Variants in PARD3B observed in about 807,000 individuals in gnomAD.
PARD3B encodes the protein par-3 family cell polarity regulator beta, also known as partitioning defective 3 homolog B.
In PARD3B, 103 loss-of-function variants were observed where a neutral mutation model predicts 130.2. That is an observed-to-expected ratio of 0.79 (90% CI 0.67 to 0.93). The LOEUF is 0.93. Ranked by LOEUF, PARD3B falls within the 40% of genes least tolerant of loss-of-function variation. The pLI is 0.00. For synonymous variants in PARD3B, 583 were observed against 553.2 expected, an observed-to-expected ratio of 1.05 and a Z score of -0.76; for missense variants, 1,609 against 1,499.2, an observed-to-expected ratio of 1.07 and a Z score of -1.21.
chr2:204,702,401 C>T (rs2125279062), intron 2 of PARD3B, among the ~76,000 whole-genome samples: 1 of 152,252 alleles, frequency 6.6e-6, no homozygotes, highest in Admixed American at 6.5e-5. Context: ...GCCTCACCAG[C>T]ATCTGTTGCT....
At chr2:205,277,211 G>A (rs921502998) in intron 16 of PARD3B, among the ~76,000 whole-genome samples, 5 of 152,204 alleles carry the variant, frequency 3.3e-5, no homozygotes, top group African/African-American at 1.2e-4. Flanking sequence ...GCTTAGCAAG[G>A]AAGACAGGTA....
At position 205,461,946 on chromosome 2, in the gene PARD3B, A is replaced by G. The variant is rs2048467544; in HGVS notation, c.3044+21274A>G. Among the ~76,000 whole-genome samples, 1 of 152,232 alleles carries G rather than the reference A, an allele frequency of 6.6e-6. No homozygotes were observed. Among genetic ancestry groups the G allele is most frequent in the African/African-American group, 2.4e-5 (1 of 41,466 alleles). ...AGGAAGAAATACTAAAATCAAAAGTAGACTTTATGAGTAAGTGTGACAATG... is the reference window on the plus strand; with the variant it reads ...AGGAAGAAATACTAAAATCAAAAGTGGACTTTATGAGTAAGTGTGACAATG... On this transcript the variant is annotated intron_variant, in intron 20 of 22. Coordinates refer to ENST00000406610, the MANE Select transcript of PARD3B (RefSeq NM_001302769.2). This position sits in a 1 kb window ranked among gnomAD's most constrained non-coding sequence, Gnocchi z 4.3.
At chr2:204,565,486 T>C (rs759521439) in intron 1 of PARD3B, among the ~76,000 whole-genome samples, 1 of 152,248 alleles carries the variant, frequency 6.6e-6, no homozygotes. Flanking sequence ...CACTGAGTTG[T>C]ATCAGTTTTC....
At chr2:205,391,570 A>T (rs566059831) in intron 18 of PARD3B, among the ~76,000 whole-genome samples, 90 of 152,352 alleles carry the variant, frequency 5.9e-4, no homozygotes, top group African/African-American at 2.1e-3. Context: ...TGTCCCAGAA[A>T]TCGTAAGCAT....
At chr2:205,390,681 G>A (rs1271749324) in intron 18 of PARD3B, among the ~76,000 whole-genome samples, 6 of 151,950 alleles carry the variant, frequency 3.9e-5, no homozygotes, top group Admixed American at 6.6e-5. Context: ...TGGAACAGTA[G>A]GATTCAGGAT....
At chr2:204,860,393 G>A (rs1425513960) in intron 2 of PARD3B, among the ~76,000 whole-genome samples, 1 of 152,208 alleles carries the variant, frequency 6.6e-6, no homozygotes, top group African/African-American at 2.4e-5. Context: ...CATTCAGGCA[G>A]CGTGGCCTGG....
chr2:205,548,884 G>A (rs1348737725), intron 21 of PARD3B, among the ~76,000 whole-genome samples: 2 of 152,032 alleles, frequency 1.3e-5, no homozygotes, highest in Non-Finnish European at 2.9e-5. Flanking sequence ...TGATAATGAA[G>A]TATCCAAAAT....
intron 2 of PARD3B, among the ~76,000 whole-genome samples, chr2:204,852,174 T>G (rs10203651): frequency 0.19 from 24,549 of 127,670 alleles, 4,699 homozygotes; most frequent in African/African-American, 0.57. Context: ...GCCACAAGTT[T>G]TTTTTTTTTT....
At chr2:205,373,343 A>G (rs911884552) in intron 18 of PARD3B, among the ~76,000 whole-genome samples, 1 of 152,242 alleles carries the variant, frequency 6.6e-6, no homozygotes, top group Admixed American at 6.5e-5. Flanking sequence ...ACTGAGTAAC[A>G]GAAGGATGCC....
intron 2 of PARD3B, among the ~76,000 whole-genome samples, chr2:204,835,164 C>T (rs778842485): frequency 5.3e-5 from 8 of 152,176 alleles, no homozygotes; most frequent in Admixed American, 1.3e-4. Context: ...CTAAGTAATG[C>T]GCTTAATGCA....
At chr2:204,659,300 CT>C (rs2035727814) in intron 1 of PARD3B, among the ~76,000 whole-genome samples, 1 of 152,114 alleles carries the variant, frequency 6.6e-6, no homozygotes, top group Non-Finnish European at 1.5e-5. Flanking sequence ...GAAGTAATTT[CT>C]TTCTGTATTC....
At chr2:204,613,564 G>A (rs1253305200) in intron 1 of PARD3B, among the ~76,000 whole-genome samples, 1 of 151,756 alleles carries the variant, frequency 6.6e-6, no homozygotes, top group Admixed American at 6.6e-5. Context: ...GGACCTTCTG[G>A]AGCACTCTTC....
intron 6 of PARD3B, among the ~76,000 whole-genome samples, chr2:205,118,158 C>A (rs55917475): frequency 5.3e-5 from 8 of 152,140 alleles, no homozygotes; most frequent in African/African-American, 1.4e-4. Context: ...TAGATGCCCC[C>A]CTCCAGGTCC....
chr2:204,662,483 A>C (rs972372274), intron 1 of PARD3B, among the ~76,000 whole-genome samples: 3 of 152,222 alleles, frequency 2.0e-5, no homozygotes, highest in African/African-American at 7.2e-5. Flanking sequence ...CAAATAAAAA[A>C]ATGGTGTTCC....
At chr2:205,188,503 C>T (rs552462552) in intron 14 of PARD3B, among the ~76,000 whole-genome samples, 31 of 152,182 alleles carry the variant, frequency 2.0e-4, no homozygotes, top group African/African-American at 6.3e-4. Flanking sequence ...GAGGCTGCTC[C>T]GACTTGGGAC....
chr2:205,531,564 A>AAAAT lies in PARD3B; in HGVS notation c.3181-21757_3181-21754dup, dbSNP rs540634898. On this transcript the variant is annotated intron_variant, in intron 21 of 22. Transcript: ENST00000406610. ...GAGGGATGGCATTACTGCTGAGAGA[A>AAAAT]AAATAAGTACTAAGCTAATCAGCCT... Among the ~76,000 whole-genome samples the AAAAT allele has an allele frequency of 2.5e-4, 38 of 152,336 alleles. No homozygotes were observed. In the South Asian group the frequency reaches 7.9e-3, roughly 32 times the overall value.
Position 205,366,588 on chromosome 2 carries a change from G to A in PARD3B, c.2631-34425G>A, listed in dbSNP as rs539246122. Among the ~76,000 whole-genome samples the A allele has an allele frequency of 3.9e-5, 6 of 152,200 alleles. No individual in the cohort carries two copies. In the South Asian group the frequency reaches 1.2e-3, roughly 32 times the overall value. ...AGAACACAGCTCTCTTAACTTGCAG[G>A]GTATTGCTTTATCTTATCATGCTAC... On this transcript the variant is annotated intron_variant, in intron 18 of 22. Transcript: ENST00000406610. This position sits in a 1 kb window ranked among gnomAD's most constrained non-coding sequence, Gnocchi z 5.0.
At position 204,887,592 on chromosome 2, in the gene PARD3B, G is replaced by A. The variant is rs573291185; in HGVS notation, c.223-77560G>A. ...TGGCAAACTAACCTATAAATTAAAA[G>A]AAGCCCAAACTGCTGTAGATGAGGA... On this transcript the variant is annotated intron_variant, in intron 2 of 22. Transcript: ENST00000406610. This position sits in a 1 kb window ranked among gnomAD's most constrained non-coding sequence, Gnocchi z 4.2. 6.6e-6 allele frequency among the ~76,000 whole-genome samples: 1 copy of A among 152,224 alleles called. No individual in the cohort carries two copies. The highest frequency in any genetic ancestry group is 2.1e-4 in the South Asian group (1 of 4,822).
chr2:205,085,060 C>T (rs773539064), intron 4 of PARD3B, among the ~76,000 whole-genome samples: 5 of 151,970 alleles, frequency 3.3e-5, no homozygotes, highest in Non-Finnish European at 5.9e-5. Flanking sequence ...TCAAAGTCTC[C>T]ATTATGATGC....
Sources: allele counts gnomAD v4.1 joint callset (sites outside exome capture counted in the v4.1 genomes callset), GRCh38; gene constraint gnomAD v4.1.1; non-coding constraint Gnocchi (gnomAD v3.1); transcripts MANE v1.5; gene names NCBI Gene and HGNC (gene_info 2026-07-23, HGNC 2026-07-21).